The following PLAC1 variants were observed in gnomAD, a reference collection of about 807,000 sequenced individuals.
PLAC1 encodes the protein placenta-specific protein 1.
For missense variants in PLAC1, 136 were observed against 163.2 expected, an observed-to-expected ratio of 0.83 and a Z score of 0.91; for synonymous variants, 68 against 62.1, an observed-to-expected ratio of 1.09 and a Z score of -0.44.
At chrX:134,650,396 C>T (rs1440194673) in intron 1 of PLAC1, among the ~76,000 whole-genome samples, 1 of 111,421 alleles carries the variant, frequency 9.0e-6, no homozygotes, top group East Asian at 2.8e-4. Context: ...ACTGGGAAGT[C>T]TCGGCACCAC....
intron 2 of PLAC1, among the ~76,000 whole-genome samples, chrX:134,696,195 A>G (rs375859468): frequency 4.5e-5 from 5 of 111,818 alleles, no homozygotes; most frequent in African/African-American, 1.3e-4. Flanking sequence ...AGACTTGGGC[A>G]ATAGCAGAGG....
chrX:134,592,734 T>G (rs1446929704), intron 2 of PLAC1, among the ~76,000 whole-genome samples: 5 of 98,906 alleles, frequency 5.1e-5, no homozygotes, highest in Non-Finnish European at 1.0e-4. Context: ...TTTTTTTTTT[T>G]TTTTTTTGAG....
chrX:134,713,659 T>TGACATAATGG (rs2078634809), intron 2 of PLAC1, among the ~76,000 whole-genome samples: 1 of 111,900 alleles, frequency 8.9e-6, no homozygotes, highest in African/African-American at 3.2e-5. Flanking sequence ...TAAGGAAGTA[T>TGACATAATGG]GACATAATGG....
At chrX:134,660,705 A>C (rs2078413489), upstream of PLAC1, among the ~76,000 whole-genome samples, 1 of 111,885 alleles carries the variant, frequency 8.9e-6, no homozygotes, top group African/African-American at 3.3e-5. Context: ...TTGGAGTTCC[A>C]GAAGGAGGGA....
chrX:134,730,712 G>A (rs932178696), intron 2 of PLAC1, among the ~76,000 whole-genome samples: 1 of 111,596 alleles, frequency 9.0e-6, no homozygotes, highest in African/African-American at 3.3e-5. Context: ...GCCTCCCAAA[G>A]TGCTGGGATT....
chrX:134,695,761 T>C (rs1385607728), intron 2 of PLAC1, among the ~76,000 whole-genome samples: 1 of 112,411 alleles, frequency 8.9e-6, no homozygotes, highest in Non-Finnish European at 1.9e-5. Context: ...TGATAAAAGT[T>C]TGCTGAATTA....
At chrX:134,601,618 G>A (rs1212320678) in intron 2 of PLAC1, 1 of 112,290 alleles carries the variant, frequency 8.9e-6, no homozygotes, top group Non-Finnish European at 1.9e-5. Context: ...ACTCTCTCCT[G>A]TTATACAGCA....
intron 2 of PLAC1, among the ~76,000 whole-genome samples, chrX:134,569,751 T>TGTGTGTGTG: frequency 1.1e-5 from 1 of 91,400 alleles, no homozygotes; most frequent in East Asian, 3.1e-4. Flanking sequence ...TGTGTGTGTG[T>TGTGTGTGTG]GTGTGTGTGT....
chrX:134,677,356 A>G (rs2078478850), intron 2 of PLAC1, among the ~76,000 whole-genome samples: 1 of 112,458 alleles, frequency 8.9e-6, no homozygotes, highest in African/African-American at 3.2e-5. Context: ...CAAGTAGTAA[A>G]TAAGCCACCA....
chrX:134,721,731 C>T (rs1388130294), intron 2 of PLAC1, among the ~76,000 whole-genome samples: 4 of 108,388 alleles, frequency 3.7e-5, no homozygotes, highest in Non-Finnish European at 5.7e-5. Context: ...GGCATGGTGG[C>T]ATGCGCCTGT....
At chrX:134,678,489 G>A (rs1332043020) in intron 2 of PLAC1, among the ~76,000 whole-genome samples, 2 of 111,543 alleles carry the variant, frequency 1.8e-5, no homozygotes, top group African/African-American at 3.3e-5. Context: ...GGATTTCCCT[G>A]AGCGCCCTAT....
At chrX:134,615,400 C>A (rs1412265467) in intron 1 of PLAC1, among the ~76,000 whole-genome samples, 1 of 111,972 alleles carries the variant, frequency 8.9e-6, no homozygotes, top group Non-Finnish European at 1.9e-5. Flanking sequence ...CTATTCAGAT[C>A]CTTTGCCCAT....
At chrX:134,687,787 T>A (rs1318055327) in intron 2 of PLAC1, among the ~76,000 whole-genome samples, 1 of 88,784 alleles carries the variant, frequency 1.1e-5, no homozygotes, top group Non-Finnish European at 2.1e-5. Flanking sequence ...AGTACTTACC[T>A]CATAAGTTTG....
chrX:134,763,562 T>C (rs2078775949), intron 1 of PLAC1, among the ~76,000 whole-genome samples: 1 of 111,173 alleles, frequency 9.0e-6, no homozygotes, highest in South Asian at 3.8e-4. Context: ...AGCTCACGCC[T>C]ATAATCCCAG....
At chrX:134,735,971 A>G (rs1460563379) in intron 1 of PLAC1, among the ~76,000 whole-genome samples, 1 of 109,629 alleles carries the variant, frequency 9.1e-6, no homozygotes, top group East Asian at 2.8e-4. Context: ...AAAAAAAAAA[A>G]AAAAAGAAGA....
At chrX:134,673,980 A>G (rs1024384505) in intron 2 of PLAC1, among the ~76,000 whole-genome samples, 8 of 112,876 alleles carry the variant, frequency 7.1e-5, no homozygotes, top group African/African-American at 2.6e-4. Flanking sequence ...TGTTCAACAG[A>G]TGGATATTTC....
rs770559094 is a variant in PLAC1, at chrX:134,567,739, C to CAG, written c.-58-1001_-58-1000dup. 2.9e-4 allele frequency among the ~76,000 whole-genome samples: 24 copies of CAG among 84,186 alleles called. No individual in the cohort carries two copies. The South Asian group carries it at 9.5e-3, about 33-fold the overall frequency. 73.1% of individuals were successfully genotyped at this position (84,186 alleles called of 115,157 possible). ...TGCCACTGCACTCCAGCCTGGGCAA[C>CAG]AGAGAGAGAGAGACTCTGTCTCAAA... On this transcript the variant is annotated intron_variant, in intron 2 of 2. Coordinates refer to ENST00000359237, the MANE Select transcript of PLAC1 (RefSeq NM_021796.4).
chrX:134,710,934 A>G (rs1350085797), intron 2 of PLAC1, among the ~76,000 whole-genome samples: 1 of 111,990 alleles, frequency 8.9e-6, no homozygotes, highest in Non-Finnish European at 1.9e-5. Flanking sequence ...AAAGTTCTCA[A>G]TATAAATGAA....
chrX:134,686,230 A>G (rs111873371), intron 2 of PLAC1, among the ~76,000 whole-genome samples: 1 of 111,200 alleles, frequency 9.0e-6, no homozygotes, highest in African/African-American at 3.3e-5. Flanking sequence ...TTCCCCATCC[A>G]TGCAACTAAG....
Sources: gnomAD v4.1 joint callset for allele counts (sites outside exome capture counted in the v4.1 genomes callset) on GRCh38, gnomAD v4.1.1 for gene constraint, MANE v1.5 for transcripts, NCBI Gene and HGNC (gene_info 2026-07-23, HGNC 2026-07-21) for gene names.